Variants in ZNF514 observed in about 807,000 individuals in gnomAD.
The protein encoded by ZNF514 is zinc finger protein 514.
Under a neutral mutation model 9.7 loss-of-function variants are expected in ZNF514, and 12 were observed. The ratio of observed to expected loss-of-function variants is 1.24; its 90% CI spans 0.79 to 2.01. The LOEUF is 2.01. ZNF514 is among the 30% of genes most tolerant of loss of function. The pLI is 0.00. For synonymous variants in ZNF514, 158 were observed against 163.7 expected (o/e 0.97, Z 0.27); for missense variants, 467 against 465.5 (o/e 1.00, Z -0.03).
chr2:95,134,562 G>A, the ZNF514 span, among the ~76,000 whole-genome samples: 3,463 of 152,244 alleles, frequency 0.023, 128 homozygotes, highest in African/African-American at 0.08. Flanking sequence ...CATGAACAGA[G>A]GCAGTTTTAG....
At position 95,147,262 on chromosome 2, in the gene ZNF514, A is replaced by G. The variant is rs1269278537; in HGVS notation, c.*2020T>C. 6.6e-6 allele frequency: 1 copy of G among 152,236 alleles called. No individual in the cohort carries two copies. The allele number at this position is 152,236 out of a possible 1,614,324, so 9.4% of individuals were successfully genotyped here. On this transcript the variant is annotated 3_prime_UTR_variant, in exon 5 of 5. Coordinates refer to ENST00000295208, the MANE Select transcript of ZNF514 (RefSeq NM_032788.3). ...AAATAAAAAGTGATACCAAAAATGCATAGATGGCTTGAAGTAACAAACAAA... is the reference window on the plus strand; with the variant it reads ...AAATAAAAAGTGATACCAAAAATGCGTAGATGGCTTGAAGTAACAAACAAA...
Position 95,149,411 on chromosome 2 carries a change from A to T in ZNF514, c.1074T>A (p.Ser358=), listed in dbSNP as rs1398672649. The change falls in exon 5 of 5, where the codon TCT becomes TCA. Residue 358 remains serine, a synonymous_variant. Coordinates refer to ENST00000295208, the MANE Select transcript of ZNF514 (RefSeq NM_032788.3). The part of the protein sequence containing the change: ...KCGRAFSQSS[S]LTQHYRFHTG... Reference sequence around the variant, plus strand: ...TGTGAAATCTGTAATGTTGAGTGAGAGATGAACTCTGGCTGAAGGCTCTCC... The same window carrying T: ...TGTGAAATCTGTAATGTTGAGTGAGTGATGAACTCTGGCTGAAGGCTCTCC... 1.2e-6 allele frequency: 2 copies of T among 1,613,960 alleles called. No homozygotes were observed. The highest frequency in any genetic ancestry group is 2.2e-5 in the South Asian group (2 of 91,068).
the ZNF514 span, among the ~76,000 whole-genome samples, chr2:95,127,888 C>T: frequency 4.6e-5 from 7 of 152,082 alleles, no homozygotes; most frequent in Non-Finnish European, 7.4e-5. Flanking sequence ...GGATCACAGG[C>T]GTGAGACACC....
chr2:95,126,392 A>AAAAAAAAAAAG, the ZNF514 span, among the ~76,000 whole-genome samples: 55 of 84,428 alleles, frequency 6.5e-4, no homozygotes, highest in African/African-American at 1.0e-3. Context: ...AAAAAAAAAA[A>AAAAAAAAAAAG]AAAGAAAGAA....
In ZNF514 at chr2:95,157,421, G is replaced by A; in HGVS notation, c.-77C>T. The A allele has an allele frequency of 7.8e-7, 1 of 1,289,624 alleles. No individual in the cohort carries two copies. The highest frequency in any genetic ancestry group is 1.2e-5 in the South Asian group (1 of 81,022). 79.9% of individuals were successfully genotyped at this position (1,289,624 alleles called of 1,614,324 possible). On this transcript the variant is annotated 5_prime_UTR_variant, in exon 2 of 5. Coordinates refer to ENST00000295208, the MANE Select transcript of ZNF514 (RefSeq NM_032788.3). ...TGGGAATCTCTCTGGAGGAAGAGCA[G>A]GATTCTGAGAAGGGGAAGCTGGGAA...
chr2:95,126,125 C>A, the ZNF514 span, among the ~76,000 whole-genome samples: 1 of 152,108 alleles, frequency 6.6e-6, no homozygotes, highest in Non-Finnish European at 1.5e-5. Flanking sequence ...AATCCCAGCA[C>A]TTTGGGAGGC....
At chr2:95,137,004 G>A in the ZNF514 span, among the ~76,000 whole-genome samples, 1 of 152,164 alleles carries the variant, frequency 6.6e-6, no homozygotes, top group Non-Finnish European at 1.5e-5. Flanking sequence ...CCTAACCTCA[G>A]ATAGAACCCT....
the ZNF514 span, among the ~76,000 whole-genome samples, chr2:95,124,864 T>C: frequency 6.6e-6 from 1 of 151,946 alleles, no homozygotes; most frequent in African/African-American, 2.4e-5. Flanking sequence ...TGTGATTTTT[T>C]GATATTTAGA....
At chr2:95,124,664 C>T in the ZNF514 span, among the ~76,000 whole-genome samples, 21 of 151,704 alleles carry the variant, frequency 1.4e-4, no homozygotes, top group Non-Finnish European at 2.6e-4. Context: ...TTACACTCAG[C>T]TAATTTTTTG....
chr2:95,145,417 T>G lies in ZNF514; in HGVS notation c.*3865A>C, dbSNP rs1673337201. On this transcript the variant is annotated 3_prime_UTR_variant, in exon 5 of 5. Transcript: ENST00000295208. ...ACAGGCCCTGAGAGAAATCTAAGTA[T>G]TTTATCCTAAAATAAATTTCTCTTA... 6.6e-6 allele frequency among the ~76,000 whole-genome samples: 1 copy of G among 152,228 alleles called. No individual in the cohort carries two copies. The highest frequency in any genetic ancestry group is 6.5e-5 in the Admixed American group (1 of 15,274).
downstream of ZNF514, among the ~76,000 whole-genome samples, chr2:95,141,730 A>G (rs1458084774): frequency 6.6e-6 from 1 of 152,218 alleles, no homozygotes; most frequent in Non-Finnish European, 1.5e-5. Flanking sequence ...AAAATACAGC[A>G]GTGAAACTCC....
rs141510791 is a variant in ZNF514 at position 95,149,484 on chromosome 2, T to C, written c.1001A>G (p.His334Arg). Residue 334 changes from histidine (H) to arginine (R), a missense_variant, in exon 5 of 5, where the codon CAT (histidine) becomes CGT (arginine). Transcript: ENST00000295208. The stretch of plus-strand genomic sequence containing the variant: ...TTTCTCTCCAGTATGAAATCTGTAA[T>C]GCACAATGAGTGATGAGCTCTGGCT... The part of the protein sequence containing the change: ...TFSQSSSLIV[H>R]YRFHTGEKPY... 1.4e-3 allele frequency: 2,290 copies of C among 1,614,092 alleles called. 12 individuals are homozygous for C. Among genetic ancestry groups the C allele is most frequent in the South Asian group, 7.3e-3 (666 of 91,082 alleles).
At chr2:95,141,073 C>T (rs1676821690), downstream of ZNF514, among the ~76,000 whole-genome samples, 1 of 151,890 alleles carries the variant, frequency 6.6e-6, no homozygotes, top group African/African-American at 2.4e-5. Flanking sequence ...GGATAATATA[C>T]ATTGGGTACA....
chr2:95,154,492 T>A (rs1444563439), intron 2 of ZNF514: 1 of 152,238 alleles, frequency 6.6e-6, no homozygotes, highest in African/African-American at 2.4e-5. Context: ...TGGCAACCCA[T>A]GTAATTTGGT....
In ZNF514 at chr2:95,149,458, G is replaced by T. The variant is rs2104464336; in HGVS notation, c.1027C>A (p.Pro343Thr). 6.2e-7 allele frequency: 1 copy of T among 1,613,844 alleles called. No homozygotes were observed. The highest frequency in any genetic ancestry group is 8.5e-7 in the Non-Finnish European group (1 of 1,179,948). ...CTCCCACATTTATTACATTTGTAAG[G>T]TTTCTCTCCAGTATGAAATCTGTAA... is the stretch of plus-strand genomic sequence containing the variant. The part of the protein sequence containing the change: ...VHYRFHTGEK[P>T]YKCNKCGRAF... Residue 343 changes from proline to threonine, a missense_variant, in exon 5 of 5, where the codon CCT (proline) becomes ACT (threonine). By Grantham distance (38) the Pro-to-Thr change is conservative. Coordinates refer to ENST00000295208, the MANE Select transcript of ZNF514 (RefSeq NM_032788.3).
the ZNF514 span, among the ~76,000 whole-genome samples, chr2:95,135,101 A>G: frequency 6.6e-6 from 1 of 152,348 alleles, no homozygotes; most frequent in Non-Finnish European, 1.5e-5. Context: ...TATAAATGCT[A>G]GAATCAACTT....
the ZNF514 span, among the ~76,000 whole-genome samples, chr2:95,137,843 G>C: frequency 1.3e-5 from 2 of 152,196 alleles, no homozygotes; most frequent in Admixed American, 1.3e-4. Context: ...CAAATCTTAT[G>C]TTGAAATGTA....
downstream of ZNF514, among the ~76,000 whole-genome samples, chr2:95,143,345 G>A (rs1342020698): frequency 3.9e-5 from 6 of 152,208 alleles, no homozygotes; most frequent in Admixed American, 3.9e-4. Flanking sequence ...CTTGGGCCAG[G>A]TGTGGTGGCT....
At chr2:95,144,487 A>G (rs1355800162), downstream of ZNF514, among the ~76,000 whole-genome samples, 1 of 152,188 alleles carries the variant, frequency 6.6e-6, no homozygotes, top group Non-Finnish European at 1.5e-5. Context: ...GTGAGCTTCC[A>G]TGGTAGGCAT....
Sources: gnomAD v4.1 joint callset for allele counts (sites outside exome capture counted in the v4.1 genomes callset) on GRCh38, gnomAD v4.1.1 for gene constraint, MANE v1.5 for transcripts, NCBI Gene and HGNC (gene_info 2026-07-23, HGNC 2026-07-21) for gene names.